GULP1: variants seen among roughly 807,000 people sequenced by gnomAD.
GULP1 encodes GULP PTB domain containing engulfment adaptor 1, also known as PTB domain-containing engulfment adapter protein 1.
In GULP1, 19 loss-of-function variants were observed where a neutral mutation model predicts 40.9. That is an observed-to-expected ratio of 0.46 (90% confidence interval 0.32 to 0.68). The LOEUF (loss-of-function observed/expected upper bound fraction) is 0.68, where lower values mean the gene tolerates loss of function less well. Ranked by LOEUF, GULP1 falls within the 30% of genes least tolerant of loss-of-function variation. GULP1 has a pLI of 0.03. For missense variants in GULP1, 312 were observed against 362.2 expected (o/e 0.86, Z 1.12); for synonymous variants, 119 against 117.6 (o/e 1.01, Z -0.08).
chr2:188,399,282 A>C (rs1222918499), intron 2 of GULP1, among the ~76,000 whole-genome samples: 2 of 152,190 alleles, frequency 1.3e-5, no homozygotes, highest in Non-Finnish European at 2.9e-5. Context: ...GAGAAACAGC[A>C]GTGGGTACTT....
intron 1 of GULP1, among the ~76,000 whole-genome samples, chr2:188,360,609 T>A (rs557983125): frequency 4.6e-5 from 7 of 152,226 alleles, no homozygotes; most frequent in African/African-American, 1.7e-4. Flanking sequence ...GGTGAAGCTT[T>A]TGTTTTTGGT....
intron 1 of GULP1, among the ~76,000 whole-genome samples, chr2:188,372,624 G>T (rs1299000315): frequency 6.6e-6 from 1 of 151,954 alleles, no homozygotes; most frequent in African/African-American, 2.4e-5. Flanking sequence ...ACATCATTTT[G>T]CAAGTGCTCT....
chr2:188,386,736 G>A (rs1321156194), intron 2 of GULP1, among the ~76,000 whole-genome samples: 1 of 152,076 alleles, frequency 6.6e-6, no homozygotes, highest in African/African-American at 2.4e-5. Context: ...GTAGTAACAA[G>A]TTAAAGTTTT....
intron 1 of GULP1, among the ~76,000 whole-genome samples, chr2:188,351,747 G>A (rs1188462790): frequency 2.0e-5 from 3 of 152,068 alleles, no homozygotes; most frequent in Admixed American, 1.3e-4. Flanking sequence ...TAATCATACT[G>A]CAGGAGCAAT....
At chr2:188,387,073 T>C (rs1484546936) in intron 2 of GULP1, among the ~76,000 whole-genome samples, 1 of 151,856 alleles carries the variant, frequency 6.6e-6, no homozygotes, top group East Asian at 1.9e-4. Flanking sequence ...CCGTCTCTAC[T>C]AAAAATACAA....
chr2:188,557,568 T>C (rs1695099552), intron 7 of GULP1, among the ~76,000 whole-genome samples: 1 of 152,216 alleles, frequency 6.6e-6, no homozygotes, highest in Non-Finnish European at 1.5e-5. Context: ...CCTGTGGCTT[T>C]GCCATTAAGG....
intron 3 of GULP1, among the ~76,000 whole-genome samples, chr2:188,482,755 C>G (rs754627176): frequency 6.6e-6 from 1 of 150,978 alleles, no homozygotes; most frequent in Non-Finnish European, 1.5e-5. Context: ...ATATTCTATC[C>G]TTTTATTTCT....
chr2:188,545,594 T>C, intron 7 of GULP1, among the ~76,000 whole-genome samples: 1 of 151,904 alleles, frequency 6.6e-6, no homozygotes, highest in Non-Finnish European at 1.5e-5. Context: ...TGAGATACAC[T>C]TAAAAGCACT....
At chr2:188,372,217 G>A (rs1259028538) in intron 1 of GULP1, among the ~76,000 whole-genome samples, 1 of 152,072 alleles carries the variant, frequency 6.6e-6, no homozygotes, top group African/African-American at 2.4e-5. Flanking sequence ...GATGAAGACT[G>A]GTTTGCCCAG....
chr2:188,347,906 C>A (rs2043909929), intron 1 of GULP1, among the ~76,000 whole-genome samples: 1 of 152,150 alleles, frequency 6.6e-6, no homozygotes, highest in South Asian at 2.1e-4. Flanking sequence ...GCATGAGCCA[C>A]CATGCCTGGC....
At chr2:188,365,388 A>G (rs2046652375) in intron 1 of GULP1, among the ~76,000 whole-genome samples, 1 of 152,176 alleles carries the variant, frequency 6.6e-6, no homozygotes, top group Admixed American at 6.5e-5. Flanking sequence ...GACTTCACAG[A>G]GCTTACTGGA....
intron 4 of GULP1, among the ~76,000 whole-genome samples, chr2:188,512,027 T>TA (rs1341988573): frequency 1.3e-5 from 2 of 152,186 alleles, no homozygotes; most frequent in Non-Finnish European, 2.9e-5. Context: ...ATGTGCTTTT[T>TA]AAAAATGGCT....
intron 1 of GULP1, among the ~76,000 whole-genome samples, chr2:188,324,971 C>T (rs1397360817): frequency 6.6e-6 from 1 of 152,022 alleles, no homozygotes; most frequent in African/African-American, 2.4e-5. Flanking sequence ...GAATTGTATA[C>T]ACAAGTAGTC....
chr2:188,505,349 A>G (rs184781384), intron 4 of GULP1, among the ~76,000 whole-genome samples: 8 of 151,774 alleles, frequency 5.3e-5, no homozygotes, highest in East Asian at 1.9e-4. Context: ...CACATTATCA[A>G]ACTATGCCAC....
At chr2:188,487,803 A>G (rs1304964982) in intron 4 of GULP1, among the ~76,000 whole-genome samples, 3 of 152,006 alleles carry the variant, frequency 2.0e-5, no homozygotes, top group Admixed American at 6.6e-5. Context: ...AGTTTTACAT[A>G]TGACACGTGC....
At chr2:188,501,093 G>A (rs10432433) in intron 4 of GULP1, among the ~76,000 whole-genome samples, 147,868 of 151,984 alleles carry the variant, frequency 0.97, 72,080 homozygotes, top group East Asian at 1. Flanking sequence ...TTTATGGATA[G>A]TAACATTGAA....
intron 1 of GULP1, among the ~76,000 whole-genome samples, chr2:188,329,650 T>C (rs2041279726): frequency 6.6e-6 from 1 of 152,108 alleles, no homozygotes; most frequent in African/African-American, 2.4e-5. Context: ...GCGGAGGTGA[T>C]GATAAGCTTA....
chr2:188,460,968 C>T (rs887295221), intron 2 of GULP1, among the ~76,000 whole-genome samples: 3 of 152,166 alleles, frequency 2.0e-5, no homozygotes, highest in African/African-American at 7.2e-5. Flanking sequence ...ACCATTATTG[C>T]ATCCTAAGGG....
intron 2 of GULP1, among the ~76,000 whole-genome samples, chr2:188,405,849 G>T (rs1045471328): frequency 6.6e-6 from 1 of 152,214 alleles, no homozygotes; most frequent in Non-Finnish European, 1.5e-5. Flanking sequence ...GACTGGAAAA[G>T]TCCTGGTTTC....
Sources: allele counts gnomAD v4.1 joint callset (sites outside exome capture counted in the v4.1 genomes callset), GRCh38; gene constraint gnomAD v4.1.1; transcripts MANE v1.5; gene names NCBI Gene and HGNC (gene_info 2026-07-23, HGNC 2026-07-21).